Variants in RARB observed in about 807,000 individuals in gnomAD.
The protein encoded by RARB is retinoic acid receptor beta.
In RARB, 17 loss-of-function variants were observed where a neutral mutation model predicts 51.9. That is an observed-to-expected ratio of 0.33 (90% CI 0.22 to 0.49). RARB has a LOEUF of 0.49. RARB is among the 20% of genes least tolerant of loss of function. The pLI is 0.99. For synonymous variants in RARB, 215 were observed against 195.4 expected, an observed-to-expected ratio of 1.10 and a Z score of -0.84; for missense variants, 369 against 550.8, an observed-to-expected ratio of 0.67 and a Z score of 3.30.
At chr3:25,347,632 T>C (rs1575330642) in intron 5 of RARB, among the ~76,000 whole-genome samples, 1 of 152,184 alleles carries the variant, frequency 6.6e-6, no homozygotes, top group East Asian at 1.9e-4. Context: ...AAAGGTATCA[T>C]GGTACCAGAA....
At chr3:25,140,123 C>G (rs1340157742) in intron 4 of RARB, among the ~76,000 whole-genome samples, 4 of 151,830 alleles carry the variant, frequency 2.6e-5, no homozygotes, top group African/African-American at 9.7e-5. Flanking sequence ...TTGAACACAA[C>G]ACCTATTCTG....
intron 2 of RARB, among the ~76,000 whole-genome samples, chr3:24,873,016 C>T (rs1334780004): frequency 6.6e-6 from 1 of 152,212 alleles, no homozygotes; most frequent in African/African-American, 2.4e-5. Flanking sequence ...TCCTCTTTTA[C>T]AGCTATTCAA....
chr3:25,199,669 C>A (rs1284230665), intron 5 of RARB, among the ~76,000 whole-genome samples: 1 of 152,030 alleles, frequency 6.6e-6, no homozygotes, highest in East Asian at 1.9e-4. Flanking sequence ...TTGTTCAATT[C>A]CCACCTATGA....
At position 25,202,768 on chromosome 3, in the gene RARB, G is replaced by T. The variant is rs536719431; in HGVS notation, c.178+28193G>T. ...TTTTGAGTGAGTTTCTTAATCCTGA[G>T]TTCTAGTTTGATTGCACTGTGGTCT... On this transcript the variant is annotated intron_variant, in intron 5 of 11. Transcript: ENST00000383772. 7.2e-5 allele frequency among the ~76,000 whole-genome samples: 11 copies of T among 152,258 alleles called. No individual in the cohort carries two copies. The South Asian group carries it at 2.1e-3, about 29-fold the overall frequency.
chr3:25,014,851 A>T (rs1485906163), intron 2 of RARB, among the ~76,000 whole-genome samples: 1 of 152,104 alleles, frequency 6.6e-6, no homozygotes, highest in African/African-American at 2.4e-5. Flanking sequence ...AGGCAGAAAA[A>T]AAAACCCTCA....
chr3:25,302,809 G>T (rs1228956147), intron 5 of RARB, among the ~76,000 whole-genome samples: 2 of 152,196 alleles, frequency 1.3e-5, no homozygotes, highest in East Asian at 3.8e-4. Context: ...AAGCTGGGCT[G>T]TGCCCCCATG....
chr3:25,070,608 T>G (rs768582804), intron 3 of RARB, among the ~76,000 whole-genome samples: 20 of 152,236 alleles, frequency 1.3e-4, no homozygotes, highest in Non-Finnish European at 1.9e-4. Context: ...CAGTAGTGAT[T>G]AGTAATAATA....
At chr3:25,327,348 C>A (rs971458743) in intron 5 of RARB, among the ~76,000 whole-genome samples, 10 of 151,704 alleles carry the variant, frequency 6.6e-5, no homozygotes, top group African/African-American at 2.4e-4. Flanking sequence ...AGCAGCACTA[C>A]TACAATATTT....
At position 25,179,391 on chromosome 3, in the gene RARB, T is replaced by C. The variant is rs114890555; in HGVS notation, c.178+4816T>C. The stretch of plus-strand genomic sequence containing the variant: ...ACTCCATAGTCTTGTCTTCTTTCTA[T>C]TGAGTTATATTTGTCCTTAAACTTA... On this transcript the variant is annotated intron_variant, in intron 5 of 11. Coordinates refer to the RARB transcript ENST00000383772. Among the ~76,000 whole-genome samples the C allele has an allele frequency of 4.5e-3, 681 of 152,288 alleles. 3 individuals carry two copies. The highest frequency in any genetic ancestry group is 0.015 in the African/African-American group (637 of 41,552).
chr3:25,420,150 A>G lies in RARB; in HGVS notation c.179-41043A>G, dbSNP rs192565776. On this transcript the variant is annotated intron_variant, in intron 5 of 11. Transcript: ENST00000383772. Reference sequence around the variant, plus strand: ...TTTTATGCATATCTTTGTTTCTCCAACAGAAATTTCACAGGGATTTCTATC... The same window carrying G: ...TTTTATGCATATCTTTGTTTCTCCAGCAGAAATTTCACAGGGATTTCTATC... 3.8e-3 allele frequency among the ~76,000 whole-genome samples: 574 copies of G among 152,290 alleles called. 3 individuals are homozygous for G. Among genetic ancestry groups the G allele is most frequent in the African/African-American group, 0.013 (534 of 41,550 alleles).
At chr3:25,097,646 A>T (rs1699320984) in intron 3 of RARB, among the ~76,000 whole-genome samples, 1 of 152,116 alleles carries the variant, frequency 6.6e-6, no homozygotes, top group Non-Finnish European at 1.5e-5. Context: ...ATCATCTCTA[A>T]AAACAAAAGC....
chr3:25,564,571 A>G (rs1371901756), intron 3 of RARB, among the ~76,000 whole-genome samples: 1 of 152,230 alleles, frequency 6.6e-6, no homozygotes, highest in African/African-American at 2.4e-5. Flanking sequence ...ATTGCCACAT[A>G]TAGGCCCTGA....
intron 5 of RARB, among the ~76,000 whole-genome samples, chr3:25,189,571 C>G (rs945572634): frequency 6.6e-6 from 1 of 152,024 alleles, no homozygotes; most frequent in Non-Finnish European, 1.5e-5. Context: ...TGTTCAAAAG[C>G]TTAGACCCTG....
chr3:25,018,591 A>T (rs1191531361), intron 2 of RARB, among the ~76,000 whole-genome samples: 1 of 152,186 alleles, frequency 6.6e-6, no homozygotes, highest in Non-Finnish European at 1.5e-5. Context: ...TGACTCCTAG[A>T]TCTTGAAACC....
intron 5 of RARB, among the ~76,000 whole-genome samples, chr3:25,191,111 C>G (rs1221004377): frequency 1.3e-5 from 2 of 152,066 alleles, no homozygotes; most frequent in African/African-American, 4.8e-5. Flanking sequence ...GATATAACTT[C>G]CATGTTTCTT....
In RARB at chr3:25,141,734, C is replaced by T. The variant is rs113428956; in HGVS notation, c.-280+9526C>T. Among the ~76,000 whole-genome samples the T allele has an allele frequency of 1.9e-4, 29 of 152,254 alleles. 1 individual carries two copies. Among genetic ancestry groups the T allele is most frequent in the Admixed American group, 6.5e-4 (10 of 15,290 alleles). ...ATTTTCTTAAAAGGAGTGCTTTCTA[C>T]TTTTAGGAATCCTAAGGTGAATTCT... On this transcript the variant is annotated intron_variant, in intron 4 of 11. Coordinates refer to the RARB transcript ENST00000383772.
chr3:25,004,180 C>T (rs1387956259), intron 2 of RARB, among the ~76,000 whole-genome samples: 9 of 152,090 alleles, frequency 5.9e-5, no homozygotes, highest in Non-Finnish European at 1.2e-4. Flanking sequence ...GTGATGACCA[C>T]ATCACTGATA....
chr3:25,231,546 C>A (rs1005678977), intron 5 of RARB, among the ~76,000 whole-genome samples: 1 of 152,184 alleles, frequency 6.6e-6, no homozygotes, highest in Non-Finnish European at 1.5e-5. Flanking sequence ...ACATCAATGA[C>A]TATCAACTTG....
intron 5 of RARB, among the ~76,000 whole-genome samples, chr3:25,340,039 C>G (rs1302172042): frequency 6.6e-6 from 1 of 152,162 alleles, no homozygotes; most frequent in Admixed American, 6.6e-5. Context: ...AAAAAGAAGA[C>G]TGCAGCCTAC....
Sources: gnomAD v4.1 joint callset for allele counts (sites outside exome capture counted in the v4.1 genomes callset) on GRCh38, gnomAD v4.1.1 for gene constraint, MANE v1.5 for transcripts, NCBI Gene and HGNC (gene_info 2026-07-23, HGNC 2026-07-21) for gene names.